The following IRAK1BP1 variants were observed in gnomAD, a reference collection of about 807,000 sequenced individuals.
IRAK1BP1 encodes interleukin-1 receptor-associated kinase 1-binding protein 1.
Under a neutral mutation model 28.0 loss-of-function variants are expected in IRAK1BP1, and 24 were observed. The observed-to-expected ratio is 0.86, with a 90% CI of 0.62 to 1.20. IRAK1BP1 has a LOEUF of 1.20. Among genes scored for constraint, IRAK1BP1 ranks in the 50% most tolerant of loss-of-function variants. The pLI, the probability that IRAK1BP1 is intolerant of heterozygous loss-of-function variation, is 0.00. For missense variants in IRAK1BP1, 336 were observed against 316.7 expected, an observed-to-expected ratio of 1.06 and a Z score of -0.46; for synonymous variants, 131 against 116.3, an observed-to-expected ratio of 1.13 and a Z score of -0.81.
chr6:78,955,824 T>G, the IRAK1BP1 span: 1 of 460,202 alleles, frequency 2.2e-6, no homozygotes. Context: ...CTCCAATAAT[T>G]TATGCACACA....
At chr6:78,940,557 T>G (rs1452602700) in intron 4 of IRAK1BP1, 1 of 179,182 alleles carries the variant, frequency 5.6e-6, no homozygotes, top group Non-Finnish European at 1.1e-5. Flanking sequence ...TGTTTTTTTT[T>G]TTTTTTTTTT....
the IRAK1BP1 span, among the ~76,000 whole-genome samples, chr6:78,971,777 T>G: frequency 3.3e-5 from 5 of 152,178 alleles, no homozygotes; most frequent in African/African-American, 1.2e-4. Context: ...GGACGGCACC[T>G]GGAAAATCGG....
the IRAK1BP1 span, chr6:78,963,380 A>T: frequency 6.5e-6 from 4 of 615,842 alleles, no homozygotes; most frequent in Non-Finnish European, 1.0e-5. Context: ...TATACTCTTT[A>T]TTTTAACAAA....
chr6:78,915,248 A>G (rs1772530883), intron 4 of IRAK1BP1, among the ~76,000 whole-genome samples: 1 of 152,234 alleles, frequency 6.6e-6, no homozygotes, highest in South Asian at 2.1e-4. Context: ...ATTATGAGCA[A>G]CTAAAATTGA....
chr6:78,975,678 T>A, the IRAK1BP1 span, among the ~76,000 whole-genome samples: 1 of 152,270 alleles, frequency 6.6e-6, no homozygotes, highest in African/African-American at 2.4e-5. Context: ...CAGCAAAGTC[T>A]CAGGATACAA....
chr6:78,911,494 T>C (rs1772419136), intron 4 of IRAK1BP1, among the ~76,000 whole-genome samples: 1 of 152,198 alleles, frequency 6.6e-6, no homozygotes, highest in South Asian at 2.1e-4. Flanking sequence ...TATTTTATTG[T>C]GCAAAAACAT....
intron 4 of IRAK1BP1, among the ~76,000 whole-genome samples, chr6:78,914,887 C>T (rs1009386329): frequency 6.6e-6 from 1 of 152,180 alleles, no homozygotes; most frequent in Admixed American, 6.5e-5. Context: ...GTGGTGTGAT[C>T]TCAGCTCACT....
At chr6:78,918,348 A>G (rs1772616944) in intron 4 of IRAK1BP1, among the ~76,000 whole-genome samples, 1 of 152,156 alleles carries the variant, frequency 6.6e-6, no homozygotes. Context: ...ACACGTATCA[A>G]TATTAACCCT....
chr6:78,952,050 CTT>C, the IRAK1BP1 span, among the ~76,000 whole-genome samples: 1 of 152,092 alleles, frequency 6.6e-6, no homozygotes, highest in Non-Finnish European at 1.5e-5. Context: ...TTTTTTCACT[CTT>C]ATTCTAGGTA....
At position 78,902,433 on chromosome 6, in the gene IRAK1BP1, C is replaced by G. The variant is rs1426159504; in HGVS notation, c.*4099C>G. On this transcript the variant is annotated 3_prime_UTR_variant, in exon 4 of 4. Transcript: ENST00000369940. ...AGGCTTGAGCCACTGCACCCAGCCC[C>G]AAATAGCTTCTACTCATAACCTAGT... The G allele has an allele frequency of 6.5e-6, 1 of 152,786 alleles. No homozygotes were observed. Among genetic ancestry groups the G allele is most frequent in the Non-Finnish European group, 1.5e-5 (1 of 68,470 alleles). The allele number at this position is 152,786 out of a possible 1,614,324, so 9.5% of individuals were successfully genotyped here. A position where few individuals can be genotyped will look rare whatever the true frequency, so the allele number is the denominator to read the frequency against.
chr6:78,952,597 T>C, the IRAK1BP1 span, among the ~76,000 whole-genome samples: 1 of 152,120 alleles, frequency 6.6e-6, no homozygotes, highest in East Asian at 1.9e-4. Context: ...CTTCACACTC[T>C]TAATCTCTTT....
At chr6:78,871,400 A>T (rs1770786913) in intron 1 of IRAK1BP1, 1 of 985,462 alleles carries the variant, frequency 1.0e-6, no homozygotes, top group East Asian at 1.1e-4. Context: ...AGATTCCTTT[A>T]ACACAGTGCA....
At chr6:78,961,880 G>C in the IRAK1BP1 span, 2 of 1,247,456 alleles carry the variant, frequency 1.6e-6, no homozygotes, top group Non-Finnish European at 2.2e-6. Flanking sequence ...AATTCTGCTT[G>C]AATTAAGACT....
chr6:78,868,620 G>A (rs1770680182), intron 1 of IRAK1BP1, among the ~76,000 whole-genome samples: 1 of 152,066 alleles, frequency 6.6e-6, no homozygotes, highest in African/African-American at 2.4e-5. Context: ...AAAAAATGAA[G>A]CCATCATTTA....
intron 4 of IRAK1BP1, among the ~76,000 whole-genome samples, chr6:78,923,433 C>A (rs932584236): frequency 2.0e-5 from 3 of 152,110 alleles, no homozygotes; most frequent in Admixed American, 6.6e-5. Flanking sequence ...TCCTTAGAGA[C>A]CTACAAAGAG....
In IRAK1BP1 at chr6:78,902,936, A is replaced by G. The variant is rs1467448006; in HGVS notation, c.*4602A>G. The G allele has an allele frequency of 4.5e-6, 4 of 883,998 alleles. No individual in the cohort carries two copies. The allele number at this position is 883,998 out of a possible 1,614,324, so 54.8% of individuals were successfully genotyped here. A position where few individuals can be genotyped will look rare whatever the true frequency, so the allele number is the denominator to read the frequency against. ...CTTTCAAGAAGGATTGTTTTCTACT[A>G]TTAAAACAATAAAACTCTTATAAAC... is the stretch of plus-strand genomic sequence containing the variant. On this transcript the variant is annotated 3_prime_UTR_variant, in exon 4 of 4. Transcript: ENST00000369940.
chr6:78,907,287 A>G (rs1772285428), downstream of IRAK1BP1, among the ~76,000 whole-genome samples: 1 of 152,212 alleles, frequency 6.6e-6, no homozygotes, highest in African/African-American at 2.4e-5. Context: ...AATTAGAAAC[A>G]TTACCATATA....
chr6:78,888,498 A>G (rs1004037764), intron 2 of IRAK1BP1, among the ~76,000 whole-genome samples: 8 of 150,464 alleles, frequency 5.3e-5, no homozygotes, highest in African/African-American at 1.5e-4. Context: ...TTATATATAA[A>G]TTACACCTCA....
At chr6:78,891,661 C>A (rs543250570) in intron 2 of IRAK1BP1, among the ~76,000 whole-genome samples, 1 of 152,178 alleles carries the variant, frequency 6.6e-6, no homozygotes, top group East Asian at 1.9e-4. Flanking sequence ...GGGTTTTCAC[C>A]ATGTTGGCCG....
Sources: allele counts gnomAD v4.1 joint callset (sites outside exome capture counted in the v4.1 genomes callset), GRCh38; gene constraint gnomAD v4.1.1; transcripts MANE v1.5; gene names NCBI Gene and HGNC (gene_info 2026-07-23, HGNC 2026-07-21).